The following PLAAT5 variants were observed in gnomAD, a reference collection of about 807,000 sequenced individuals.
PLAAT5 encodes phospholipase A and acyltransferase 5, also known as Ca(2+)-independent N-acyltransferase.
Under a neutral mutation model 27.8 loss-of-function variants are expected in PLAAT5, and 27 were observed. The ratio of observed to expected loss-of-function variants is 0.97; its 90% CI spans 0.72 to 1.34. The LOEUF (loss-of-function observed/expected upper bound fraction) is 1.34. PLAAT5 is among the 40% of genes most tolerant of loss of function. PLAAT5 has a pLI of 0.00. For missense variants in PLAAT5, 368 were observed against 343.8 expected (o/e 1.07, Z -0.56); for synonymous variants, 125 against 136.1 (o/e 0.92, Z 0.57).
At chr11:63,478,633 A>T (rs759305609) in intron 3 of PLAAT5, among the ~76,000 whole-genome samples, 10 of 152,108 alleles carry the variant, frequency 6.6e-5, no homozygotes, top group Non-Finnish European at 1.2e-4. Flanking sequence ...TCTTAAATTA[A>T]CCCTTCTCAA....
Position 63,466,266 on chromosome 11 carries a change from A to G in PLAAT5, c.561T>C (p.Asn187=). ...GCAGGTACGTCCCATCTAGCTTGTT[A>G]TTGACCTTCCAGGAGCAGCCATGCA... ...DVLHGCSWKV[N]NKLDGTYLPL... The change falls in exon 5 of 6, where the codon AAT becomes AAC. Residue 187 remains asparagine, a synonymous_variant. Transcript: ENST00000540857. 1 of 1,614,146 alleles carries G rather than the reference A, an allele frequency of 6.2e-7. No individual in the cohort carries two copies. Among genetic ancestry groups the G allele is most frequent in the South Asian group, 1.1e-5 (1 of 91,084 alleles).
At chr11:63,472,760 T>A (rs1437047265) in intron 3 of PLAAT5, among the ~76,000 whole-genome samples, 1 of 152,188 alleles carries the variant, frequency 6.6e-6, no homozygotes, top group African/African-American at 2.4e-5. Flanking sequence ...TCCATTGATT[T>A]TTGTACATTA....
intron 3 of PLAAT5, among the ~76,000 whole-genome samples, chr11:63,487,318 C>A (rs2016460134): frequency 6.6e-6 from 1 of 152,030 alleles, no homozygotes; most frequent in South Asian, 2.1e-4. Context: ...GGCAAATATA[C>A]GCATGAAAAG....
intron 5 of PLAAT5, among the ~76,000 whole-genome samples, chr11:63,465,156 G>A (rs1401818966): frequency 6.6e-6 from 1 of 151,908 alleles, no homozygotes; most frequent in Non-Finnish European, 1.5e-5. Context: ...CGCACACCTA[G>A]TAATCCCAGC....
At chr11:63,473,705 T>G (rs953508557) in intron 3 of PLAAT5, among the ~76,000 whole-genome samples, 3 of 144,868 alleles carry the variant, frequency 2.1e-5, no homozygotes, top group Admixed American at 6.7e-5. Flanking sequence ...ATTTTTTTGT[T>G]GTTTTTTTTT....
intron 3 of PLAAT5, among the ~76,000 whole-genome samples, chr11:63,472,983 G>A (rs994273310): frequency 2.0e-5 from 3 of 151,962 alleles, no homozygotes; most frequent in African/African-American, 7.3e-5. Flanking sequence ...GGTGGCACAC[G>A]CCTGTAGTCC....
In PLAAT5 at chr11:63,488,861, T is replaced by A. The variant is rs1428982934; in HGVS notation, c.345+10A>T. On this transcript the variant is annotated intron_variant, in intron 3 of 5. Transcript: ENST00000540857. ...AAGATAGTCACTTTGAGAATTCTTG[T>A]TACACCTACCTCAGCTGCTTGCTTT... 1 of 1,585,276 alleles carries A rather than the reference T, an allele frequency of 6.3e-7. No homozygotes were observed. The highest frequency in any genetic ancestry group is 1.7e-5 in the Admixed American group (1 of 59,836).
intron 2 of PLAAT5, among the ~76,000 whole-genome samples, chr11:63,489,506 A>T (rs1378308139): frequency 2.0e-5 from 3 of 152,256 alleles, no homozygotes; most frequent in African/African-American, 4.8e-5. Context: ...ATGAAAGGCA[A>T]GAATATGCTT....
At chr11:63,467,058 G>A (rs968443691) in intron 4 of PLAAT5, among the ~76,000 whole-genome samples, 1 of 152,182 alleles carries the variant, frequency 6.6e-6, no homozygotes, top group Non-Finnish European at 1.5e-5. Context: ...AAGCTGGGTG[G>A]GTAGTCATTT....
intron 3 of PLAAT5, among the ~76,000 whole-genome samples, chr11:63,473,235 C>T (rs1027104607): frequency 1.3e-5 from 2 of 152,174 alleles, no homozygotes; most frequent in Non-Finnish European, 2.9e-5. Flanking sequence ...TTGTGACAAC[C>T]GTGCGTCAGA....
intron 4 of PLAAT5, among the ~76,000 whole-genome samples, chr11:63,468,067 C>A (rs567619542): frequency 2.0e-5 from 3 of 152,308 alleles, no homozygotes; most frequent in Non-Finnish European, 2.9e-5. Context: ...TTTGTCAATA[C>A]AAAATGGAGC....
intron 3 of PLAAT5, among the ~76,000 whole-genome samples, chr11:63,481,772 T>C (rs1002664203): frequency 2.0e-5 from 3 of 152,146 alleles, no homozygotes; most frequent in African/African-American, 2.4e-5. Context: ...TGGATGAAGC[T>C]GGAAACCATC....
Position 63,483,784 on chromosome 11 carries a change from A to AT in PLAAT5, c.345+5086_345+5087insA, listed in dbSNP as rs1555028140. Among the ~76,000 whole-genome samples, 137 of 65,672 alleles carry AT rather than the reference A, an allele frequency of 2.1e-3. 2 individuals carry two copies. The highest frequency in any genetic ancestry group is 3.3e-3 in the African/African-American group (34 of 10,234). The allele number at this position is 65,672 out of a possible 152,430, so 43.1% of individuals were successfully genotyped here. A position where few individuals can be genotyped will look rare whatever the true frequency, so the allele number is the denominator to read the frequency against. On this transcript the variant is annotated intron_variant, in intron 3 of 5. Coordinates refer to ENST00000540857, the MANE Select transcript of PLAAT5 (RefSeq NM_001146729.2). ...GTAAATGAAATTGAAGCAAAAAAAA[A>AT]ATATATATATATATATGTATATATA...
intron 3 of PLAAT5, among the ~76,000 whole-genome samples, chr11:63,486,742 C>A (rs766201044): frequency 1.6e-4 from 25 of 152,132 alleles, no homozygotes; most frequent in Non-Finnish European, 3.2e-4. Context: ...GCACTAAAAT[C>A]TCAGAAATCA....
intron 3 of PLAAT5, among the ~76,000 whole-genome samples, chr11:63,472,206 G>T (rs528232134): frequency 1.3e-5 from 2 of 148,584 alleles, no homozygotes; most frequent in South Asian, 2.1e-4. Flanking sequence ...AAAAGTTGAA[G>T]AAAAAAAAAG....
intron 3 of PLAAT5, among the ~76,000 whole-genome samples, chr11:63,473,805 T>A (rs918908348): frequency 6.6e-6 from 1 of 150,424 alleles, no homozygotes; most frequent in Non-Finnish European, 1.5e-5. Flanking sequence ...CTCCACCTCC[T>A]GCGTTCAAGT....
chr11:63,490,783 C>T, intron 1 of PLAAT5, 104 bp downstream of exon 1: 1 of 1,093,750 alleles, frequency 9.1e-7, no homozygotes, highest in Non-Finnish European at 1.3e-6. Flanking sequence ...TAACAGACAA[C>T]ACAATCGCCA....
At chr11:63,465,699 A>C (rs916229701) in intron 5 of PLAAT5, among the ~76,000 whole-genome samples, 6 of 152,148 alleles carry the variant, frequency 3.9e-5, no homozygotes, top group African/African-American at 1.2e-4. Context: ...CTAAGGCAGG[A>C]GGACGGCCTG....
intron 5 of PLAAT5, among the ~76,000 whole-genome samples, chr11:63,464,466 A>G (rs1468670799): frequency 1.3e-5 from 2 of 151,962 alleles, no homozygotes; most frequent in Non-Finnish European, 2.9e-5. Context: ...GACCATCCTG[A>G]CCAACATGGT....
Sources: gnomAD v4.1 joint callset for allele counts (sites outside exome capture counted in the v4.1 genomes callset) on GRCh38, gnomAD v4.1.1 for gene constraint, MANE v1.5 for transcripts, NCBI Gene and HGNC (gene_info 2026-07-23, HGNC 2026-07-21) for gene names.